ZNF136: variants seen among roughly 807,000 people sequenced by gnomAD.
The protein encoded by ZNF136 is zinc finger protein 136 (clone pHZ-20).
A neutral mutation model predicts 11.4 loss-of-function variants in ZNF136; 8 were observed. The ratio of observed to expected loss-of-function variants is 0.70; its 90% CI spans 0.41 to 1.27. ZNF136 has a LOEUF of 1.27. ZNF136 is among the 50% of genes most tolerant of loss of function. The probability of loss-of-function intolerance (pLI) is 0.01; values close to 1 mark genes in which losing one functional copy is unlikely to be tolerated. For synonymous variants in ZNF136, 190 were observed against 207.1 expected (o/e 0.92, Z 0.71); for missense variants, 590 against 656.5 (o/e 0.90, Z 1.11).
At chr19:12,167,676 A>G (rs1220460518) in intron 1 of ZNF136, among the ~76,000 whole-genome samples, 4 of 152,220 alleles carry the variant, frequency 2.6e-5, no homozygotes, top group African/African-American at 4.8e-5. Context: ...CCTGACCAAC[A>G]TGGAGAAACC....
intron 1 of ZNF136, among the ~76,000 whole-genome samples, chr19:12,164,198 C>T (rs1273477618): frequency 6.6e-6 from 1 of 152,186 alleles, no homozygotes; most frequent in Non-Finnish European, 1.5e-5. Context: ...TTTCCTCCCC[C>T]AACCCCAGTT....
At chr19:12,186,459 A>AC in intron 3 of ZNF136, 111 bp from the exon 4 acceptor site, 1 of 976,480 alleles carries the variant, frequency 1.0e-6, no homozygotes, top group Non-Finnish European at 1.5e-6. Context: ...AACAAATCAG[A>AC]CTTGGCATCG....
At chr19:12,185,179 T>C (rs1291388867) in intron 1 of ZNF136, 2 of 152,266 alleles carry the variant, frequency 1.3e-5, no homozygotes, top group African/African-American at 4.8e-5. Flanking sequence ...AAGGAAGGAA[T>C]GATAACTTTC....
chr19:12,184,862 C>T (rs139027007), intron 1 of ZNF136: 3 of 152,152 alleles, frequency 2.0e-5, no homozygotes, highest in African/African-American at 4.8e-5. Flanking sequence ...GCTACTCTTA[C>T]ATAGGTCATT....
At chr19:12,185,989 C>T in intron 2 of ZNF136, 78 bp downstream of exon 2, 3 of 1,601,388 alleles carry the variant, frequency 1.9e-6, no homozygotes, top group East Asian at 4.5e-5. Context: ...CCATGGTTTG[C>T]ATCATGGAGG....
At position 12,187,545 on chromosome 19, in the gene ZNF136, A is replaced by G. The variant is rs1915145369; in HGVS notation, c.1167A>G (p.Glu389=). 12 of 1,610,394 alleles carry G rather than the reference A, an allele frequency of 7.5e-6. No homozygotes were observed. Among genetic ancestry groups the G allele is most frequent in the Non-Finnish European group, 1.0e-5 (12 of 1,178,610 alleles). ...MRRHMIKHTG[E]GPYKCKVCGK... ...GACACATGATAAAACATACTGGAGA[A>G]GGACCTTATAAATGTAAGGTATGTG... The change falls in exon 4 of 4, where the codon GAA becomes GAG. Residue 389 remains glutamate (E), a synonymous_variant. Transcript: ENST00000343979.
At position 12,163,125 on chromosome 19, in the gene ZNF136, C is replaced by T. The variant is rs1038572072; in HGVS notation, c.-79C>T. 2.2e-4 allele frequency: 300 copies of T among 1,380,840 alleles called. 1 individual carries two copies. The highest frequency in any genetic ancestry group is 9.9e-4 in the Middle Eastern group (5 of 5,070). The allele number at this position is 1,380,840 out of a possible 1,614,324, so 85.5% of individuals were successfully genotyped here. On this transcript the variant is annotated 5_prime_UTR_variant, in exon 1 of 4. Coordinates refer to ENST00000343979, the MANE Select transcript of ZNF136 (RefSeq NM_003437.5). The stretch of plus-strand genomic sequence containing the variant: ...GTCCCAGAGGCCCAGAGTGGCTCGC[C>T]TGGAGTCTCTGTGGCGCGGTTTCCT...
intron 1 of ZNF136, among the ~76,000 whole-genome samples, chr19:12,178,184 G>A (rs1914846880): frequency 6.6e-6 from 1 of 152,142 alleles, no homozygotes; most frequent in African/African-American, 2.4e-5. Context: ...TATATATTTT[G>A]GATTTTAACA....
At chr19:12,163,283 C>T (rs1977136789) in intron 1 of ZNF136, 77 bp downstream of exon 1, 1 of 1,329,456 alleles carries the variant, frequency 7.5e-7, no homozygotes, top group South Asian at 2.5e-5. Context: ...GTGGCGCGGC[C>T]CGGGCCTTCC....
chr19:12,181,867 C>T (rs762967849), intron 1 of ZNF136, among the ~76,000 whole-genome samples: 1 of 152,120 alleles, frequency 6.6e-6, no homozygotes. Context: ...GATCTCCTGA[C>T]CTCGCAATCC....
Position 12,187,789 on chromosome 19 carries a change from A to G in ZNF136, c.1411A>G (p.Thr471Ala), listed in dbSNP as rs1368441082. Residue 471 changes from threonine to alanine, a missense_variant, in exon 4 of 4, where the codon ACT becomes GCT. Transcript: ENST00000343979. ...CTTTCGAACACATGAAATGATTCAC[A>G]CTGGTGAGAAACCCTTTGAATGTAA... ...NSFRTHEMIH[T>A]GEKPFECKRC... 1 of 1,610,748 alleles carries G rather than the reference A, an allele frequency of 6.2e-7. No homozygotes were observed. The highest frequency in any genetic ancestry group is 1.7e-4 in the Middle Eastern group (1 of 6,034).
rs771825708 is a variant in ZNF136 at position 12,185,792 on chromosome 19, T to C, written c.11T>C (p.Val4Ala). MDS[V>A]AFEDVDVNFT... ...ATATGTGGGATGTTTCAGGACTCGG[T>C]GGCTTTTGAGGATGTAGATGTGAAC... The change falls in exon 2 of 4, where the codon GTG becomes GCG. Residue 4 changes from valine to alanine, a missense_variant. Physicochemically the swap from Val to Ala is moderately conservative, Grantham distance 64. Transcript: ENST00000343979. 6.2e-7 allele frequency: 1 copy of C among 1,613,246 alleles called. No homozygotes were observed. Among genetic ancestry groups the C allele is most frequent in the Non-Finnish European group, 8.5e-7 (1 of 1,179,774 alleles).
intron 1 of ZNF136, chr19:12,163,699 C>T (rs1205207469): frequency 6.3e-6 from 1 of 158,666 alleles, no homozygotes; most frequent in East Asian, 1.8e-4. Context: ...TTTCCAAACG[C>T]CAACCTCTCC....
At chr19:12,168,672 T>G (rs1914552713) in intron 1 of ZNF136, among the ~76,000 whole-genome samples, 1 of 151,866 alleles carries the variant, frequency 6.6e-6, no homozygotes, top group Non-Finnish European at 1.5e-5. Flanking sequence ...TGGCTGTTCT[T>G]GGGTCATCCT....
In ZNF136 at chr19:12,186,112, A is replaced by T. The variant is rs1338965202; in HGVS notation, c.131-2A>T. 6.2e-7 allele frequency: 1 copy of T among 1,608,298 alleles called. No individual in the cohort carries two copies. Among genetic ancestry groups the T allele is most frequent in the South Asian group, 1.1e-5 (1 of 88,934 alleles). The stretch of plus-strand genomic sequence containing the variant: ...CAGAATTTTTCTGGGTCTCTGTTTT[A>T]GGGAAAAAATGGAAGGACCAGAACA... On this transcript the variant is annotated splice_acceptor_variant, in intron 2 of 3. Coordinates refer to ENST00000343979, the MANE Select transcript of ZNF136 (RefSeq NM_003437.5). LOFTEE classifies it high-confidence loss of function.
At position 12,163,190 on chromosome 19, in the gene ZNF136, C is replaced by A; in HGVS notation, c.-14C>A. 2 of 1,400,236 alleles carry A rather than the reference C, an allele frequency of 1.4e-6. No homozygotes were observed. The highest frequency in any genetic ancestry group is 1.9e-6 in the Non-Finnish European group (2 of 1,070,910). 86.7% of individuals were successfully genotyped at this position (1,400,236 alleles called of 1,614,324 possible). The stretch of plus-strand genomic sequence containing the variant: ...ATCCGGAGGGAGGAAGCTGGGACAC[C>A]CGGGAGTCAGGAAATGGTGAGTGTG... On this transcript the variant is annotated 5_prime_UTR_variant, in exon 1 of 4. Coordinates refer to ENST00000343979, the MANE Select transcript of ZNF136 (RefSeq NM_003437.5).
In ZNF136 at chr19:12,187,207, G is replaced by GA. The variant is rs1356438581; in HGVS notation, c.834dup (p.Pro279ThrfsTer3). On this transcript the variant is annotated frameshift_variant, in exon 4 of 4. Transcript: ENST00000343979. LOFTEE classifies it low-confidence loss of function (END_TRUNC). The stretch of plus-strand genomic sequence containing the variant: ...AGTGCATGAAAGAATTCACACTGGA[G>GA]AAAAACCCTTTAAATGTAAGCAATG... 2 of 1,613,920 alleles carry GA rather than the reference G, an allele frequency of 1.2e-6. No individual in the cohort carries two copies. Among genetic ancestry groups the GA allele is most frequent in the Non-Finnish European group, 1.7e-6 (2 of 1,179,976 alleles).
At position 12,186,719 on chromosome 19, in the gene ZNF136, A is replaced by G. The variant is rs1915099898; in HGVS notation, c.341A>G (p.Gln114Arg). The stretch of plus-strand genomic sequence containing the variant: ...GTATATGGAGAAGTCAGCATGGGTC[A>G]GTCATCCCTTAATAGACACATCAAA... ...SIVYGEVSMG[Q>R]SSLNRHIKDH... Residue 114 changes from glutamine to arginine, a missense_variant, in exon 4 of 4, where the codon CAG becomes CGG. Physicochemically the swap from Gln to Arg is conservative, Grantham distance 43 (BLOSUM62 1). Coordinates refer to ENST00000343979, the MANE Select transcript of ZNF136 (RefSeq NM_003437.5). The G allele has an allele frequency of 6.2e-7, 1 of 1,614,184 alleles. No homozygotes were observed. Among genetic ancestry groups the G allele is most frequent in the Non-Finnish European group, 8.5e-7 (1 of 1,180,022 alleles).
rs1247173798 is a variant in ZNF136, at chr19:12,188,043, G to A, written c.*42G>A. On this transcript the variant is annotated 3_prime_UTR_variant, in exon 4 of 4. Coordinates refer to ENST00000343979, the MANE Select transcript of ZNF136 (RefSeq NM_003437.5). ...CAGATACATTAAAATACTCACTGAA[G>A]AGAAGCCCTATGAATGTAAGTAACG... 1 of 1,451,102 alleles carries A rather than the reference G, an allele frequency of 6.9e-7. No homozygotes were observed. The highest frequency in any genetic ancestry group is 9.1e-7 in the Non-Finnish European group (1 of 1,097,400). 89.9% of individuals were successfully genotyped at this position (1,451,102 alleles called of 1,614,324 possible).
Sources: allele counts gnomAD v4.1 joint callset (sites outside exome capture counted in the v4.1 genomes callset), GRCh38; gene constraint gnomAD v4.1.1; transcripts MANE v1.5; gene names NCBI Gene and HGNC (gene_info 2026-07-23, HGNC 2026-07-21).